CTNNA2: variants seen among roughly 807,000 people sequenced by gnomAD.
CTNNA2 encodes catenin alpha 2.
CTNNA2 carries 42 observed loss-of-function variants against 101.0 expected under a neutral mutation model. The ratio of observed to expected loss-of-function variants is 0.42; its 90% CI spans 0.32 to 0.54. The LOEUF (loss-of-function observed/expected upper bound fraction) is 0.54, where lower values mean the gene tolerates loss of function less well. Ranked by LOEUF, CTNNA2 falls within the 20% of genes least tolerant of loss-of-function variation. The pLI is 0.14. For synonymous variants in CTNNA2, 450 were observed against 456.4 expected, an observed-to-expected ratio of 0.99 and a Z score of 0.18; for missense variants, 871 against 1,223.1, an observed-to-expected ratio of 0.71 and a Z score of 4.29.
At chr2:79,957,627 A>G (rs768565258) in intron 7 of CTNNA2, among the ~76,000 whole-genome samples, 4 of 152,088 alleles carry the variant, frequency 2.6e-5, no homozygotes, top group Non-Finnish European at 4.4e-5. Context: ...GAGAATCTCT[A>G]TGTCTCTTGT....
chr2:79,257,683 A>C (rs1004521245), intron 2 of CTNNA2, among the ~76,000 whole-genome samples: 1 of 152,048 alleles, frequency 6.6e-6, no homozygotes, highest in Non-Finnish European at 1.5e-5. Flanking sequence ...AAGAACAAGT[A>C]ATTGAGAGGA....
chr2:79,941,119 A>G lies in CTNNA2; in HGVS notation c.1056+31322A>G, dbSNP rs141664928. 8.6e-3 allele frequency among the ~76,000 whole-genome samples: 1,312 copies of G among 152,320 alleles called. 19 individuals are homozygous for G. Among genetic ancestry groups the G allele is most frequent in the Middle Eastern group, 0.031 (9 of 294 alleles). On this transcript the variant is annotated intron_variant, in intron 7 of 18. Coordinates refer to ENST00000402739, the MANE Select transcript of CTNNA2 (RefSeq NM_001282597.3). ...AGCTTATGTGGATTCTGCAGATCCC[A>G]GCATTGCTCTCGTGTTTGACTTTTA...
chr2:80,487,688 C>T (rs967650102), intron 9 of CTNNA2, among the ~76,000 whole-genome samples: 10 of 152,114 alleles, frequency 6.6e-5, no homozygotes, highest in Admixed American at 4.6e-4. Context: ...GTGGGGACAC[C>T]GCCAAACCAT....
At chr2:79,763,078 T>A (rs1672908926) in intron 3 of CTNNA2, among the ~76,000 whole-genome samples, 1 of 152,210 alleles carries the variant, frequency 6.6e-6, no homozygotes, top group African/African-American at 2.4e-5. Flanking sequence ...AACTATTCTT[T>A]TATTTGACAG....
intron 9 of CTNNA2, among the ~76,000 whole-genome samples, chr2:80,486,608 G>A (rs1027131292): frequency 2.0e-5 from 3 of 152,036 alleles, no homozygotes; most frequent in Admixed American, 6.5e-5. Flanking sequence ...ATTTTCTTAT[G>A]TATATACTTA....
chr2:79,457,805 T>C (rs1317724692), intron 4 of CTNNA2, among the ~76,000 whole-genome samples: 3 of 152,196 alleles, frequency 2.0e-5, no homozygotes, highest in Non-Finnish European at 4.4e-5. Context: ...ATAAGCCCAC[T>C]TGCTCACTCT....
chr2:80,259,475 G>A (rs1294032824), intron 7 of CTNNA2, among the ~76,000 whole-genome samples: 1 of 152,188 alleles, frequency 6.6e-6, no homozygotes. Context: ...GCTGCCTCCA[G>A]TAGTGAGCTG....
At chr2:80,455,198 A>C (rs1683859982) in intron 9 of CTNNA2, among the ~76,000 whole-genome samples, 1 of 152,182 alleles carries the variant, frequency 6.6e-6, no homozygotes, top group Admixed American at 6.5e-5. Context: ...CTATAAATGA[A>C]ATTTTTAAAG....
intron 7 of CTNNA2, among the ~76,000 whole-genome samples, chr2:80,143,136 G>C (rs1004552368): frequency 6.6e-5 from 10 of 152,184 alleles, no homozygotes; most frequent in African/African-American, 2.4e-4. Context: ...CTAGGTGCCA[G>C]TGCTGAATGG....
intron 6 of CTNNA2, among the ~76,000 whole-genome samples, chr2:79,891,153 C>A (rs1396439216): frequency 6.6e-6 from 1 of 151,976 alleles, no homozygotes; most frequent in Non-Finnish European, 1.5e-5. Flanking sequence ...CCAGGAGATG[C>A]CCATACATAT....
chr2:80,268,914 A>G lies in CTNNA2; in HGVS notation c.1057-124297A>G, dbSNP rs561027783. On this transcript the variant is annotated intron_variant, in intron 7 of 18. Coordinates refer to ENST00000402739, the MANE Select transcript of CTNNA2 (RefSeq NM_001282597.3). ...TGCTGGGGGCTCCATACTCTCCTGC[A>G]ACCCTTTTCTGAAAATGATAACTTT... Among the ~76,000 whole-genome samples the G allele has an allele frequency of 2.6e-4, 40 of 152,336 alleles. 1 individual carries two copies. Among genetic ancestry groups the G allele is most frequent in the South Asian group, 1.7e-3 (8 of 4,824 alleles).
At chr2:79,510,780 T>A (rs1007758936), upstream of CTNNA2, among the ~76,000 whole-genome samples, 3 of 152,222 alleles carry the variant, frequency 2.0e-5, no homozygotes, top group African/African-American at 7.2e-5. Flanking sequence ...ACTAAAAGCT[T>A]ACAAATATTT....
At chr2:79,251,124 C>T (rs973174808) in intron 2 of CTNNA2, among the ~76,000 whole-genome samples, 2 of 152,206 alleles carry the variant, frequency 1.3e-5, no homozygotes, top group African/African-American at 2.4e-5. Context: ...CTCAGCTCTG[C>T]TCCTCTGAAA....
At chr2:79,905,910 T>C (rs1009357456) in intron 6 of CTNNA2, among the ~76,000 whole-genome samples, 33 of 152,210 alleles carry the variant, frequency 2.2e-4, no homozygotes, top group African/African-American at 7.7e-4. Context: ...GATGGATTCA[T>C]TTCCAGGGGT....
intron 7 of CTNNA2, among the ~76,000 whole-genome samples, chr2:80,342,045 A>G (rs1410859838): frequency 6.6e-6 from 1 of 152,216 alleles, no homozygotes; most frequent in East Asian, 1.9e-4. Flanking sequence ...CATTTATATT[A>G]CATATCCAGA....
chr2:79,558,436 A>G (rs1399980774), intron 1 of CTNNA2, among the ~76,000 whole-genome samples: 2 of 151,886 alleles, frequency 1.3e-5, no homozygotes, highest in African/African-American at 4.8e-5. Flanking sequence ...CATTAGTTTA[A>G]AGCTTTTATG....
intron 16 of CTNNA2, chr2:80,605,274 G>T (rs541673597): frequency 6.6e-6 from 1 of 152,034 alleles, no homozygotes; most frequent in African/African-American, 2.4e-5. Flanking sequence ...AGTGCTTTAG[G>T]TAGTAGACTT....
chr2:80,014,293 C>T (rs1259756509), intron 7 of CTNNA2, among the ~76,000 whole-genome samples: 1 of 151,774 alleles, frequency 6.6e-6, no homozygotes, highest in East Asian at 1.9e-4. Flanking sequence ...TAGAAAGATG[C>T]CTTTCTTCCT....
At chr2:80,458,536 A>G (rs1574086125) in intron 9 of CTNNA2, among the ~76,000 whole-genome samples, 1 of 152,204 alleles carries the variant, frequency 6.6e-6, no homozygotes, top group East Asian at 1.9e-4. Context: ...GGAAATACCT[A>G]GATAGCAAGT....
Sources: gnomAD v4.1 joint callset for allele counts (sites outside exome capture counted in the v4.1 genomes callset) on GRCh38, gnomAD v4.1.1 for gene constraint, MANE v1.5 for transcripts, NCBI Gene and HGNC (gene_info 2026-07-23, HGNC 2026-07-21) for gene names.